The following RBFOX1 variants were observed in gnomAD, a reference collection of about 807,000 sequenced individuals.
RBFOX1 encodes the protein RNA binding protein fox-1 homolog 1.
A neutral mutation model predicts 57.7 loss-of-function variants in RBFOX1; 8 were observed. The observed-to-expected ratio is 0.14, with a 90% CI of 0.08 to 0.25. RBFOX1 has a LOEUF of 0.25. Among genes scored for constraint, RBFOX1 ranks in the 10% least tolerant of loss-of-function variants. The pLI is 1.00. For missense variants in RBFOX1, 611 were observed against 548.5 expected (o/e 1.11, Z -1.14); for synonymous variants, 326 against 222.4 (o/e 1.47, Z -4.15).
rs59523563 is a variant in RBFOX1, at chr16:7,229,228, T to C, written c.27+177130T>C. ...AACATTGCAGTGTCCCAGTGATGCA[T>C]TGCAATCTTCTGCAAGACACTGAAG... On this transcript the variant is annotated intron_variant, in intron 4 of 15. Transcript: ENST00000550418. Among the ~76,000 whole-genome samples, 135 of 152,336 alleles carry C rather than the reference T, an allele frequency of 8.9e-4. 1 individual carries two copies. In the East Asian group the frequency reaches 0.025, roughly 28 times the overall value.
chr16:5,879,969 A>G (rs1374276624), intron 4 of RBFOX1, among the ~76,000 whole-genome samples: 1 of 152,196 alleles, frequency 6.6e-6, no homozygotes, highest in Non-Finnish European at 1.5e-5. Context: ...GGGAACCTGT[A>G]ACAAGAGGCC....
chr16:5,750,390 A>C (rs1232879815), intron 3 of RBFOX1, among the ~76,000 whole-genome samples: 2 of 152,184 alleles, frequency 1.3e-5, no homozygotes, highest in South Asian at 4.1e-4. Flanking sequence ...ACTCTCTTCA[A>C]AGCTGTCAGA....
chr16:6,322,240 C>A (rs968286705), intron 2 of RBFOX1, among the ~76,000 whole-genome samples: 1 of 152,180 alleles, frequency 6.6e-6, no homozygotes. Context: ...TGGATCCCAG[C>A]CAACAGATTG....
At chr16:7,530,995 T>C (rs530950869) in intron 5 of RBFOX1, among the ~76,000 whole-genome samples, 1 of 152,162 alleles carries the variant, frequency 6.6e-6, no homozygotes, top group South Asian at 2.1e-4. Context: ...GGACAGAAGT[T>C]CCACGGGCAA....
chr16:5,253,636 G>A (rs1352781611), intron 1 of RBFOX1, among the ~76,000 whole-genome samples: 3 of 152,206 alleles, frequency 2.0e-5, no homozygotes, highest in Non-Finnish European at 4.4e-5. Flanking sequence ...GCCTCATCCT[G>A]TGCTTTTAGG....
At chr16:7,253,249 C>T (rs746234922) in intron 4 of RBFOX1, among the ~76,000 whole-genome samples, 3 of 152,184 alleles carry the variant, frequency 2.0e-5, no homozygotes, top group East Asian at 1.9e-4. Flanking sequence ...CAGGTATTCT[C>T]CTGGGGGTCA....
chr16:6,064,634 G>A (rs539277224), intron 1 of RBFOX1, among the ~76,000 whole-genome samples: 10 of 151,970 alleles, frequency 6.6e-5, no homozygotes, highest in South Asian at 6.2e-4. Flanking sequence ...TCCGCCTCCC[G>A]GGTTCCAGTG....
At chr16:7,048,641 C>T (rs562951202) in intron 3 of RBFOX1, among the ~76,000 whole-genome samples, 1 of 152,124 alleles carries the variant, frequency 6.6e-6, no homozygotes, top group African/African-American at 2.4e-5. Flanking sequence ...TTTTTTCTTA[C>T]CGTTTGGAGT....
intron 4 of RBFOX1, among the ~76,000 whole-genome samples, chr16:7,451,438 G>A (rs1177355439): frequency 2.6e-5 from 4 of 152,014 alleles, no homozygotes; most frequent in Admixed American, 2.6e-4. Context: ...TAACTTGGGC[G>A]GGCTCACTTT....
chr16:7,328,142 C>T (rs1250525199), intron 4 of RBFOX1, among the ~76,000 whole-genome samples: 1 of 152,098 alleles, frequency 6.6e-6, no homozygotes, highest in Admixed American at 6.6e-5. Context: ...GTGGCGGAGA[C>T]TCAGGTGTGC....
At chr16:5,770,259 C>T (rs143227349) in intron 3 of RBFOX1, among the ~76,000 whole-genome samples, 1 of 152,318 alleles carries the variant, frequency 6.6e-6, no homozygotes, top group East Asian at 1.9e-4. Flanking sequence ...AATAATGAAA[C>T]TGGCCAAAAC....
Position 6,354,281 on chromosome 16 carries a change from C to T in RBFOX1, c.-64+37224C>T, listed in dbSNP as rs116143692. ...TATAAAAAAAATAGCAACAGTTTTCCGAAACATGTTTCAGAGAGCTTTTGG... is the reference window on the plus strand; with the variant it reads ...TATAAAAAAAATAGCAACAGTTTTCTGAAACATGTTTCAGAGAGCTTTTGG... On this transcript the variant is annotated intron_variant, in intron 2 of 15. Transcript: ENST00000550418. Among the ~76,000 whole-genome samples the T allele has an allele frequency of 2.2e-3, 337 of 152,102 alleles. 3 individuals carry two copies. The highest frequency in any genetic ancestry group is 5.6e-3 in the African/African-American group (234 of 41,478).
chr16:7,134,424 A>G (rs751768969), intron 4 of RBFOX1, among the ~76,000 whole-genome samples: 5 of 152,140 alleles, frequency 3.3e-5, no homozygotes, highest in Non-Finnish European at 5.9e-5. Flanking sequence ...GGCATTGAGG[A>G]TGTGATGCAT....
rs564995278 is a variant in RBFOX1, at chr16:7,427,121, G to T, written c.28-91026G>T. On this transcript the variant is annotated intron_variant, in intron 4 of 15. Transcript: ENST00000550418. ...GTGTGACCGGGGCCTGTCATGCAGTGGGGGGAGCGGAGAGGGATAGCATTA... is the reference window on the plus strand; with the variant it reads ...GTGTGACCGGGGCCTGTCATGCAGTTGGGGGAGCGGAGAGGGATAGCATTA... 4.8e-3 allele frequency among the ~76,000 whole-genome samples: 733 copies of T among 152,244 alleles called. 4 individuals are homozygous for T. Among genetic ancestry groups the T allele is most frequent in the South Asian group, 0.021 (103 of 4,806 alleles).
chr16:7,562,663 A>G (rs910499167), intron 5 of RBFOX1, among the ~76,000 whole-genome samples: 6 of 152,148 alleles, frequency 3.9e-5, no homozygotes, highest in Admixed American at 3.9e-4. Flanking sequence ...ATTTGATTTC[A>G]TTAGCTGCCT....
At chr16:6,113,257 G>A (rs537976110) in intron 1 of RBFOX1, among the ~76,000 whole-genome samples, 1 of 152,280 alleles carries the variant, frequency 6.6e-6, no homozygotes, top group East Asian at 1.9e-4. Flanking sequence ...GAGGCCGATT[G>A]CAAAAGGGCA....
chr16:7,408,702 T>C (rs535784471), intron 4 of RBFOX1, among the ~76,000 whole-genome samples: 4 of 152,340 alleles, frequency 2.6e-5, no homozygotes, highest in South Asian at 2.1e-4. Flanking sequence ...TTTTTTGTTA[T>C]AGGTAGACAT....
chr16:5,698,657 A>T lies in RBFOX1; in HGVS notation c.318+99696A>T, dbSNP rs564485723. Among the ~76,000 whole-genome samples the T allele has an allele frequency of 1.1e-4, 17 of 152,334 alleles. No homozygotes were observed. In the East Asian group the frequency reaches 3.3e-3, roughly 29 times the overall value. ...CAAAAACTTACAGATGAATGTCTGTAGCAATACTGTTCACCAGGGCCAAAA... is the reference window on the plus strand; with the variant it reads ...CAAAAACTTACAGATGAATGTCTGTTGCAATACTGTTCACCAGGGCCAAAA... On this transcript the variant is annotated intron_variant, in intron 3 of 19. Coordinates refer to the RBFOX1 transcript ENST00000641259.
At chr16:5,532,906 C>T (rs1006864286) in intron 2 of RBFOX1, among the ~76,000 whole-genome samples, 1 of 152,086 alleles carries the variant, frequency 6.6e-6, no homozygotes, top group African/African-American at 2.4e-5. Context: ...TGGAGATGGC[C>T]TAGGGTGGAG....
Sources: gnomAD v4.1 joint callset for allele counts (sites outside exome capture counted in the v4.1 genomes callset) on GRCh38, gnomAD v4.1.1 for gene constraint, MANE v1.5 for transcripts, NCBI Gene and HGNC (gene_info 2026-07-23, HGNC 2026-07-21) for gene names.